The following SCN2A variants were observed in gnomAD, a reference collection of about 807,000 sequenced individuals.
SCN2A encodes the protein sodium channel protein type 2 subunit alpha.
Under a neutral mutation model 188.7 loss-of-function variants are expected in SCN2A, and 20 were observed. The ratio of observed to expected loss-of-function variants is 0.11; its 90% confidence interval spans 0.07 to 0.15. The LOEUF is 0.15. SCN2A is among the 10% of genes least tolerant of loss of function. SCN2A has a pLI of 1.00. For synonymous variants in SCN2A, 804 were observed against 833.1 expected (o/e 0.97, Z 0.60); for missense variants, 1,278 against 2,445.0 (o/e 0.52, Z 10.07).
intron 1 of SCN2A, among the ~76,000 whole-genome samples, chr2:165,292,159 G>T (rs1696247788): frequency 6.6e-6 from 1 of 152,074 alleles, no homozygotes; most frequent in African/African-American, 2.4e-5. Flanking sequence ...ACTAGCCCTG[G>T]ACAAACCATG....
intron 1 of SCN2A, among the ~76,000 whole-genome samples, chr2:165,262,516 A>G (rs1694642305): frequency 6.6e-6 from 1 of 152,118 alleles, no homozygotes; most frequent in Admixed American, 6.6e-5. Context: ...AATGGTCTCC[A>G]ATTCCATCAA....
chr2:165,370,164 T>G lies in SCN2A; in HGVS notation c.3714T>G (p.Ile1238Met), dbSNP rs990883077. 6.2e-7 allele frequency: 1 copy of G among 1,614,110 alleles called. No individual in the cohort carries two copies. Among genetic ancestry groups the G allele is most frequent in the Non-Finnish European group, 8.5e-7 (1 of 1,179,990 alleles). Residue 1238 changes from isoleucine (I) to methionine (M), a missense_variant, in exon 20 of 27, where the codon ATT becomes ATG. Physicochemically the swap from Ile to Met is conservative, Grantham distance 10 (BLOSUM62 1). Around this residue, in one of 17 missense-constraint regions of SCN2A, gnomAD observed 228 missense variants for 297.3 expected, o/e 0.77. Transcript: ENST00000375437. ...TATACATTGAGCAGCGAAAAACCAT[T>G]AAGACCATGTTAGAATATGCTGACA... ...EDIYIEQRKTIKTMLEYADKV... is the reference protein window; with the variant it reads ...EDIYIEQRKTMKTMLEYADKV...
At position 165,388,749 on chromosome 2, in the gene SCN2A, C is replaced by T. The variant is rs761659943; in HGVS notation, c.4943C>T (p.Thr1648Met). The T allele has an allele frequency of 6.2e-7, 1 of 1,614,060 alleles. No homozygotes were observed. The highest frequency in any genetic ancestry group is 8.5e-7 in the Non-Finnish European group (1 of 1,179,988). The change falls in exon 27 of 27, where the codon ACG (threonine) becomes ATG (methionine). Residue 1648 changes from threonine (T) to methionine (M), a missense_variant. Coordinates refer to ENST00000375437, the MANE Select transcript of SCN2A (RefSeq NM_001040142.2). ...RLIKGAKGIR[T>M]LLFALMMSLP... is the part of the protein sequence containing the mutation. ...ATCAAAGGAGCAAAGGGGATCCGCA[C>T]GCTGCTCTTTGCTTTGATGATGTCC... is the stretch of plus-strand genomic sequence containing the variant.
At position 165,268,803 on chromosome 2, in the gene SCN2A, C is replaced by G. The variant is rs1173267318; in HGVS notation, c.-51-26970C>G. The G allele has an allele frequency of 1.3e-5, 2 of 151,824 alleles. 1 individual carries two copies. Among genetic ancestry groups the G allele is most frequent in the Non-Finnish European group, 2.9e-5 (2 of 67,876 alleles). The allele number at this position is 151,824 out of a possible 1,614,324, so 9.4% of individuals were successfully genotyped here. On this transcript the variant is annotated intron_variant, in intron 1 of 26. Coordinates refer to ENST00000375437, the MANE Select transcript of SCN2A (RefSeq NM_001040142.2). ...CACACACACACAATGAAATACTCTT[C>G]AGCCTTAACAAAGAAGGAAATTCTG... is the stretch of plus-strand genomic sequence containing the variant.
intron 1 of SCN2A, among the ~76,000 whole-genome samples, chr2:165,283,988 A>G (rs1427441760): frequency 1.3e-5 from 2 of 152,068 alleles, no homozygotes; most frequent in Non-Finnish European, 2.9e-5. Context: ...TAGTGTTGAC[A>G]TTACATGAAG....
At chr2:165,383,945 G>T (rs1701734850) in intron 25 of SCN2A, among the ~76,000 whole-genome samples, 1 of 152,066 alleles carries the variant, frequency 6.6e-6, no homozygotes, top group South Asian at 2.1e-4. Flanking sequence ...TGAATATTTA[G>T]AAGTAGCAAA....
At chr2:165,245,308 A>G (rs117836549) in intron 1 of SCN2A, 1 of 151,858 alleles carries the variant, frequency 6.6e-6, no homozygotes, top group Non-Finnish European at 1.5e-5. Flanking sequence ...GTGAGTTCTC[A>G]CTCGATCTGA....
intron 1 of SCN2A, among the ~76,000 whole-genome samples, chr2:165,281,182 A>C (rs1229394914): frequency 6.6e-6 from 1 of 152,142 alleles, no homozygotes; most frequent in Non-Finnish European, 1.5e-5. Flanking sequence ...GCCACTACAC[A>C]CTAGTCTGGG....
At chr2:165,298,448 C>CT (rs1696624172) in intron 3 of SCN2A, among the ~76,000 whole-genome samples, 1 of 152,098 alleles carries the variant, frequency 6.6e-6, no homozygotes, top group Non-Finnish European at 1.5e-5. Flanking sequence ...GTAAAGTCTC[C>CT]TTTTAACCTC....
At chr2:165,246,154 A>C (rs192617741) in intron 1 of SCN2A, among the ~76,000 whole-genome samples, 1 of 152,336 alleles carries the variant, frequency 6.6e-6, no homozygotes, top group Admixed American at 6.5e-5. Context: ...TATGGATTCA[A>C]ATTATTTCCA....
At chr2:165,265,339 GTTGT>G (rs1255359284) in intron 1 of SCN2A, among the ~76,000 whole-genome samples, 13 of 148,776 alleles carry the variant, frequency 8.7e-5, no homozygotes, top group African/African-American at 2.5e-4. Context: ...TTTTAATGGG[GTTGT>G]TTGTTTGTTT....
intron 1 of SCN2A, among the ~76,000 whole-genome samples, chr2:165,294,305 C>T (rs1463541703): frequency 6.6e-6 from 1 of 151,962 alleles, no homozygotes; most frequent in Non-Finnish European, 1.5e-5. Flanking sequence ...CAGTTTCCTC[C>T]CCCAGTGTGC....
At chr2:165,383,404 G>A (rs999050796) in intron 25 of SCN2A, among the ~76,000 whole-genome samples, 5 of 152,148 alleles carry the variant, frequency 3.3e-5, no homozygotes, top group Admixed American at 6.6e-5. Context: ...GAGGGCTGGT[G>A]AGACTGGAGT....
chr2:165,276,195 A>T (rs1021955189), intron 1 of SCN2A, among the ~76,000 whole-genome samples: 1 of 152,150 alleles, frequency 6.6e-6, no homozygotes, highest in Non-Finnish European at 1.5e-5. Context: ...GCCAAATAGT[A>T]ATAAGAGTTC....
chr2:165,377,127 A>G (rs1701356351), intron 22 of SCN2A, among the ~76,000 whole-genome samples: 1 of 152,058 alleles, frequency 6.6e-6, no homozygotes, highest in Non-Finnish European at 1.5e-5. Context: ...CAACAATATT[A>G]AGAAGATTTT....
intron 1 of SCN2A, among the ~76,000 whole-genome samples, chr2:165,251,936 A>G (rs1262986921): frequency 6.6e-6 from 1 of 152,140 alleles, no homozygotes; most frequent in Non-Finnish European, 1.5e-5. Flanking sequence ...TATTATGACT[A>G]AATTTAAAAT....
intron 11 of SCN2A, among the ~76,000 whole-genome samples, chr2:165,318,370 C>A (rs1697880075): frequency 6.6e-6 from 1 of 152,086 alleles, no homozygotes; most frequent in Non-Finnish European, 1.5e-5. Context: ...TTATAAGGTA[C>A]AATTGACCTT....
At chr2:165,274,221 A>G (rs1289439526) in intron 1 of SCN2A, 6 of 151,712 alleles carry the variant, frequency 4.0e-5, no homozygotes, top group Non-Finnish European at 7.4e-5. Flanking sequence ...AAAAGAAGAA[A>G]ATGAATTCGA....
rs780709903 is a variant in SCN2A at position 165,314,107 on chromosome 2, A to G, written c.1382A>G (p.Gln461Arg). 2.5e-6 allele frequency: 4 copies of G among 1,612,876 alleles called. No homozygotes were observed. The highest frequency in any genetic ancestry group is 2.2e-5 in the South Asian group (2 of 91,030). Residue 461 changes from glutamine (Q) to arginine (R), a missense_variant and splice_region_variant, in exon 10 of 27, where the codon CAG (glutamine) becomes CGG (arginine). Physicochemically the swap from Gln to Arg is conservative, Grantham distance 43. Transcript: ENST00000375437. ...TTGAAAAAGCAACAAGAAGAAGCTC[A>G]GGTATAGTGAACAAGCATACGGTCC... ...EQLKKQQEEA[Q>R]AAAAAASAES...
Sources: allele counts gnomAD v4.1 joint callset (sites outside exome capture counted in the v4.1 genomes callset), GRCh38; gene constraint gnomAD v4.1.1; regional missense constraint gnomAD v4.1.1; transcripts MANE v1.5; gene names NCBI Gene and HGNC (gene_info 2026-07-23, HGNC 2026-07-21).